The following SUZ12 variants were observed in gnomAD, a reference collection of about 807,000 sequenced individuals.
SUZ12 encodes the protein polycomb protein SUZ12.
SUZ12 carries 17 observed loss-of-function variants against 87.3 expected under a neutral mutation model. The observed-to-expected ratio is 0.19, with a 90% CI of 0.13 to 0.29. The LOEUF is 0.29. Among genes scored for constraint, SUZ12 ranks in the 10% least tolerant of loss-of-function variants. The probability of loss-of-function intolerance (pLI) is 1.00; values close to 1 mark genes in which losing one functional copy is unlikely to be tolerated. For synonymous variants in SUZ12, 253 were observed against 312.4 expected (o/e 0.81, Z 2.01); for missense variants, 526 against 912.2 (o/e 0.58, Z 5.45).
intron 9 of SUZ12, among the ~76,000 whole-genome samples, chr17:31,985,756 G>A (rs1333703692): frequency 6.6e-6 from 1 of 151,302 alleles, no homozygotes; most frequent in African/African-American, 2.4e-5. Flanking sequence ...TCCGCCTCCC[G>A]GGTTCAAGCG....
chr17:31,948,607 CT>C (rs1906774647), intron 4 of SUZ12, among the ~76,000 whole-genome samples: 3 of 152,044 alleles, frequency 2.0e-5, no homozygotes, highest in South Asian at 2.1e-4. Context: ...AAAAGACTTC[CT>C]TTTTTTCAGT....
At chr17:31,979,143 A>C (rs1908946821) in intron 8 of SUZ12, among the ~76,000 whole-genome samples, 2 of 150,254 alleles carry the variant, frequency 1.3e-5, no homozygotes, top group South Asian at 4.2e-4. Context: ...AAACGATAGG[A>C]AAGTTGAAAG....
At chr17:31,938,214 G>A (rs1005763420) in intron 1 of SUZ12, among the ~76,000 whole-genome samples, 37 of 152,150 alleles carry the variant, frequency 2.4e-4, no homozygotes, top group Non-Finnish European at 4.0e-4. Context: ...ATTTGGAAAG[G>A]AGAGCAAGGT....
At chr17:31,981,536 A>G (rs1245824527) in intron 8 of SUZ12, among the ~76,000 whole-genome samples, 3 of 152,220 alleles carry the variant, frequency 2.0e-5, no homozygotes, top group Non-Finnish European at 4.4e-5. Flanking sequence ...GTACGTATCT[A>G]TGTAAAAGCA....
intron 4 of SUZ12, among the ~76,000 whole-genome samples, chr17:31,950,056 C>T (rs1260736277): frequency 5.9e-5 from 9 of 151,816 alleles, no homozygotes; most frequent in Non-Finnish European, 1.5e-5. Context: ...AATGCAATGG[C>T]GTGATCTCCG....
At chr17:31,986,132 G>A (rs1304835845) in intron 9 of SUZ12, among the ~76,000 whole-genome samples, 1 of 151,832 alleles carries the variant, frequency 6.6e-6, no homozygotes, top group Non-Finnish European at 1.5e-5. Flanking sequence ...CCAGGCCTGG[G>A]GGTTTCACCA....
chr17:31,963,007 GTAT>G (rs1302734102), intron 4 of SUZ12, among the ~76,000 whole-genome samples: 2 of 152,344 alleles, frequency 1.3e-5, no homozygotes, highest in African/African-American at 4.8e-5. Context: ...ATGTAAGGTA[GTAT>G]TTATGGAACT....
rs182219410 is a variant in SUZ12 at position 31,963,368 on chromosome 17, C to G, written c.456-2779C>G. 2.5e-4 allele frequency among the ~76,000 whole-genome samples: 38 copies of G among 152,176 alleles called. No homozygotes were observed. In the East Asian group the frequency reaches 6.0e-3, roughly 24 times the overall value. On this transcript the variant is annotated intron_variant, in intron 4 of 15. Coordinates refer to ENST00000322652, the MANE Select transcript of SUZ12 (RefSeq NM_015355.4). ...CGTGTTAGCAAGGATGGTTCTTGAT[C>G]TCCTGACCTCGTGATCCACCCGCCT...
intron 10 of SUZ12, among the ~76,000 whole-genome samples, chr17:31,991,893 C>T (rs1164551092): frequency 1.3e-5 from 2 of 151,984 alleles, no homozygotes; most frequent in Non-Finnish European, 2.9e-5. Flanking sequence ...AGCCACCGTG[C>T]CCAGCCTGAA....
chr17:31,943,639 G>C (rs1025765620), intron 3 of SUZ12, among the ~76,000 whole-genome samples: 5 of 151,880 alleles, frequency 3.3e-5, no homozygotes, highest in African/African-American at 4.8e-5. Flanking sequence ...ATGGTCCATA[G>C]TTTCCCCACC....
intron 4 of SUZ12, among the ~76,000 whole-genome samples, chr17:31,959,401 A>G (rs983353317): frequency 5.3e-5 from 8 of 152,226 alleles, no homozygotes; most frequent in African/African-American, 1.9e-4. Context: ...ATTAATAGAC[A>G]CACACACATC....
Position 31,937,043 on chromosome 17 carries a change from C to G in SUZ12, c.-204C>G. The G allele has an allele frequency of 2.3e-6, 1 of 440,134 alleles. No homozygotes were observed. Among genetic ancestry groups the G allele is most frequent in the African/African-American group, 2.0e-5 (1 of 48,844 alleles). 27.3% of individuals were successfully genotyped at this position (440,134 alleles called of 1,614,324 possible). ...AGGGTAGGGTGAGCGGCCTCCGAAGCGGAGCGGGGCTCTGAGGAGACACTT... is the reference window on the plus strand; with the variant it reads ...AGGGTAGGGTGAGCGGCCTCCGAAGGGGAGCGGGGCTCTGAGGAGACACTT... On this transcript the variant is annotated 5_prime_UTR_variant, in exon 1 of 16. Transcript: ENST00000322652.
intron 3 of SUZ12, among the ~76,000 whole-genome samples, chr17:31,940,811 G>C (rs193070465): frequency 6.6e-6 from 1 of 151,822 alleles, no homozygotes; most frequent in Non-Finnish European, 1.5e-5. Flanking sequence ...TCAGGAGTTC[G>C]AGACCAGTTT....
At chr17:31,946,983 A>G (rs1048629183) in intron 3 of SUZ12, among the ~76,000 whole-genome samples, 4 of 152,216 alleles carry the variant, frequency 2.6e-5, no homozygotes, top group Admixed American at 1.3e-4. Context: ...TTAATATGAC[A>G]TATCATTGAG....
intron 9 of SUZ12, among the ~76,000 whole-genome samples, chr17:31,987,778 C>G (rs1479948937): frequency 6.6e-6 from 1 of 151,836 alleles, no homozygotes; most frequent in Non-Finnish European, 1.5e-5. Context: ...TAAAAACACA[C>G]ACACAAAAAA....
intron 15 of SUZ12, among the ~76,000 whole-genome samples, chr17:31,997,296 C>G (rs1341946230): frequency 6.6e-6 from 1 of 152,108 alleles, no homozygotes; most frequent in Non-Finnish European, 1.5e-5. Context: ...ATCACTGGTG[C>G]CCATCCTAAC....
intron 4 of SUZ12, 69 bp downstream of exon 4, chr17:31,947,754 T>A: frequency 6.9e-7 from 1 of 1,449,740 alleles, no homozygotes; most frequent in Non-Finnish European, 9.3e-7. Context: ...AGTGATCATT[T>A]TCCTAGTGAT....
At chr17:31,984,411 A>G (rs1047054188) in intron 9 of SUZ12, among the ~76,000 whole-genome samples, 5 of 149,654 alleles carry the variant, frequency 3.3e-5, no homozygotes, top group Admixed American at 2.7e-4. Context: ...ATTCATAAGC[A>G]TGGAAAAAAA....
In SUZ12 at chr17:31,994,735, G is replaced by A; in HGVS notation, c.1595+14G>A. On this transcript the variant is annotated intron_variant, in intron 13 of 15. Transcript: ENST00000322652. The stretch of plus-strand genomic sequence containing the variant: ...TCTTGTGTGCAGGTAGGTAAAAAGG[G>A]CATATAAGAAAAGTTTAAGCTCTGA... 6.2e-6 allele frequency: 10 copies of A among 1,607,808 alleles called. No individual in the cohort carries two copies. Among genetic ancestry groups the A allele is most frequent in the Non-Finnish European group, 8.5e-6 (10 of 1,176,920 alleles).
Sources: allele counts gnomAD v4.1 joint callset (sites outside exome capture counted in the v4.1 genomes callset), GRCh38; gene constraint gnomAD v4.1.1; transcripts MANE v1.5; gene names NCBI Gene and HGNC (gene_info 2026-07-23, HGNC 2026-07-21).